ENTPD1: variants seen among roughly 807,000 people sequenced by gnomAD.
ENTPD1 encodes the protein ectonucleoside triphosphate diphosphohydrolase 1.
In ENTPD1, 33 loss-of-function variants were observed where a neutral mutation model predicts 57.0. The observed-to-expected ratio is 0.58, with a 90% CI of 0.44 to 0.77. The LOEUF is 0.77. Among genes scored for constraint, ENTPD1 ranks in the 30% least tolerant of loss-of-function variants. The pLI, the probability that ENTPD1 is intolerant of heterozygous loss-of-function variation, is 0.00. For synonymous variants in ENTPD1, 202 were observed against 218.8 expected, an observed-to-expected ratio of 0.92 and a Z score of 0.68; for missense variants, 501 against 603.4, an observed-to-expected ratio of 0.83 and a Z score of 1.78.
intron 1 of ENTPD1, among the ~76,000 whole-genome samples, chr10:95,782,462 A>C (rs996336198): frequency 8.5e-5 from 13 of 152,208 alleles, no homozygotes; most frequent in Non-Finnish European, 1.6e-4. Context: ...GGAGGTAGTA[A>C]AAATGAATAT....
At chr10:95,741,994 G>A (rs987641236) in intron 1 of ENTPD1, among the ~76,000 whole-genome samples, 1 of 152,168 alleles carries the variant, frequency 6.6e-6, no homozygotes, top group African/African-American at 2.4e-5. Context: ...AGGCGGAGGC[G>A]TTAACAGCAA....
At chr10:95,726,699 T>G (rs1589648048) in intron 1 of ENTPD1, among the ~76,000 whole-genome samples, 1 of 152,342 alleles carries the variant, frequency 6.6e-6, no homozygotes, top group East Asian at 1.9e-4. Flanking sequence ...ACTTTCAAGA[T>G]ATTTTATTTG....
chr10:95,728,370 T>C (rs940577384), intron 1 of ENTPD1, among the ~76,000 whole-genome samples: 1 of 152,230 alleles, frequency 6.6e-6, no homozygotes, highest in Non-Finnish European at 1.5e-5. Context: ...TTTACAGTAC[T>C]ATACTGTATT....
intron 1 of ENTPD1, among the ~76,000 whole-genome samples, chr10:95,742,541 CTTT>C (rs10701222): frequency 7.1e-6 from 1 of 140,700 alleles, no homozygotes. Flanking sequence ...TTTCTTTTTT[CTTT>C]TTTTTTTTTT....
At chr10:95,784,102 CTTTTTT>C (rs200561277) in intron 1 of ENTPD1, among the ~76,000 whole-genome samples, 9 of 134,592 alleles carry the variant, frequency 6.7e-5, no homozygotes, top group Admixed American at 6.0e-4. Context: ...TTTGCTTGTT[CTTTTTT>C]TTTTTTTTTT....
At chr10:95,830,283 G>A (rs963956861) in intron 2 of ENTPD1, among the ~76,000 whole-genome samples, 13 of 152,088 alleles carry the variant, frequency 8.5e-5, no homozygotes, top group African/African-American at 2.7e-4. Flanking sequence ...AGCTCAGTAT[G>A]GTTAGATTGT....
rs1018621986 is a variant in ENTPD1, at chr10:95,871,454, T to C, written c.*5071T>C. The C allele has an allele frequency of 6.1e-6, 6 of 985,336 alleles. No individual in the cohort carries two copies. The highest frequency in any genetic ancestry group is 4.8e-6 in the Non-Finnish European group (4 of 829,938). The allele number at this position is 985,336 out of a possible 1,614,324, so 61.0% of individuals were successfully genotyped here. A position where few individuals can be genotyped will look rare whatever the true frequency, so the allele number is the denominator to read the frequency against. On this transcript the variant is annotated 3_prime_UTR_variant, in exon 10 of 10. Transcript: ENST00000371205. ...GATGTCCTAGGAAACCATACATCTA[T>C]GTATTTTTCTTATTTTATACGTTTA...
rs185677408 is a variant in ENTPD1, at chr10:95,747,572, A to G, written c.37+35579A>G. ...GGCCCCTAATGATGCAGAAACTACC[A>G]TTACTACTTAGTCCAATTTATGTGG... On this transcript the variant is annotated intron_variant, in intron 1 of 9. Transcript: ENST00000453258. 1.8e-3 allele frequency among the ~76,000 whole-genome samples: 275 copies of G among 152,306 alleles called. 7 individuals carry two copies. The highest frequency in any genetic ancestry group is 0.016 in the Admixed American group (246 of 15,300).
At chr10:95,798,464 G>A (rs2098235630) in intron 1 of ENTPD1, among the ~76,000 whole-genome samples, 1 of 152,174 alleles carries the variant, frequency 6.6e-6, no homozygotes, top group Non-Finnish European at 1.5e-5. Context: ...AAAAAGCTCT[G>A]AGAAGAGAGG....
chr10:95,822,522 G>T (rs540689234), intron 1 of ENTPD1, among the ~76,000 whole-genome samples: 48 of 152,208 alleles, frequency 3.2e-4, no homozygotes, highest in African/African-American at 9.2e-4. Flanking sequence ...GTCTTGAACT[G>T]CTGGCCTTGA....
intron 2 of ENTPD1, among the ~76,000 whole-genome samples, chr10:95,830,783 A>G (rs138446496): frequency 1.3e-5 from 2 of 152,290 alleles, no homozygotes; most frequent in East Asian, 3.9e-4. Flanking sequence ...AGCCTGGGCA[A>G]CAGAGCGAGA....
At chr10:95,787,646 A>G (rs965030575) in intron 1 of ENTPD1, among the ~76,000 whole-genome samples, 3 of 152,180 alleles carry the variant, frequency 2.0e-5, no homozygotes, top group Admixed American at 2.0e-4. Flanking sequence ...GACAGAAGCA[A>G]TGTAGACTGT....
chr10:95,837,071 G>C (rs2098411603), intron 2 of ENTPD1, among the ~76,000 whole-genome samples: 1 of 152,158 alleles, frequency 6.6e-6, no homozygotes, highest in Non-Finnish European at 1.5e-5. Flanking sequence ...TCAAACACTT[G>C]TCAAATGAAA....
intron 1 of ENTPD1, among the ~76,000 whole-genome samples, chr10:95,760,814 C>CTTTATTTTTTT (rs2098055741): frequency 1.6e-5 from 1 of 62,956 alleles, no homozygotes; most frequent in East Asian, 6.6e-4. Context: ...AGAGTTTATT[C>CTTTATTTTTTT]TTTTTTTTTT....
At position 95,864,748 on chromosome 10, in the gene ENTPD1, AAGG is replaced by A. The variant is rs1309228846; in HGVS notation, c.1216_1218del (p.Glu406del). 3 of 1,614,166 alleles carry A rather than the reference AAGG, an allele frequency of 1.9e-6. No homozygotes were observed. Among genetic ancestry groups the A allele is most frequent in the Non-Finnish European group, 2.5e-6 (3 of 1,180,040 alleles). On this transcript the variant is annotated inframe_deletion, in exon 9 of 10. Coordinates refer to ENST00000371205, the MANE Select transcript of ENTPD1 (RefSeq NM_001776.6). ...GATAAAAACATCTTACGCTGGAGTA[AAGG>A]AGAAGTACCTGAGTGAATACTGCTT...
intron 1 of ENTPD1, among the ~76,000 whole-genome samples, chr10:95,784,640 G>A (rs564306372): frequency 8.5e-5 from 13 of 152,280 alleles, no homozygotes; most frequent in African/African-American, 3.1e-4. Flanking sequence ...AACATCTGGT[G>A]TACATCCAGT....
intron 2 of ENTPD1, among the ~76,000 whole-genome samples, chr10:95,829,209 A>G (rs1295736434): frequency 6.6e-6 from 1 of 152,228 alleles, no homozygotes; most frequent in African/African-American, 2.4e-5. Flanking sequence ...GATTCCAAGG[A>G]AACAAGGAAG....
At chr10:95,850,102 T>C (rs1446924334) in intron 7 of ENTPD1, among the ~76,000 whole-genome samples, 1 of 152,178 alleles carries the variant, frequency 6.6e-6, no homozygotes, top group Admixed American at 6.5e-5. Flanking sequence ...CAGGGAGAGA[T>C]AGGGGCTGGA....
Position 95,847,470 on chromosome 10 carries a change from G to A in ENTPD1, c.838G>A (p.Asp280Asn). ...GGTTGCAAGTAATGAAATTCTCAGG[G>A]ACCCATGCTTTCATCCTGGATATAA... Reference protein sequence around the residue: ...IQVASNEILRDPCFHPGYKKV... With the variant: ...IQVASNEILRNPCFHPGYKKV... Residue 280 changes from aspartate (D) to asparagine (N), a missense_variant, in exon 7 of 10, where the codon GAC becomes AAC. By Grantham distance (23) the Asp-to-Asn change is conservative. Transcript: ENST00000371205. 6.2e-7 allele frequency: 1 copy of A among 1,614,100 alleles called. No individual in the cohort carries two copies.
Sources: gnomAD v4.1 joint callset for allele counts (sites outside exome capture counted in the v4.1 genomes callset) on GRCh38, gnomAD v4.1.1 for gene constraint, MANE v1.5 for transcripts, NCBI Gene and HGNC (gene_info 2026-07-23, HGNC 2026-07-21) for gene names.